DIAPH2: variants seen among roughly 807,000 people sequenced by gnomAD.
DIAPH2 encodes the protein diaphanous related formin 2, also known as protein diaphanous homolog 2.
In DIAPH2, 35 loss-of-function variants were observed where a neutral mutation model predicts 92.7. The ratio of observed to expected loss-of-function variants is 0.38; its 90% CI spans 0.29 to 0.50. DIAPH2 has a LOEUF of 0.50. DIAPH2 is among the 20% of genes least tolerant of loss of function. The pLI is 0.94. For synonymous variants in DIAPH2, 301 were observed against 280.4 expected, an observed-to-expected ratio of 1.07 and a Z score of -0.73; for missense variants, 701 against 819.5, an observed-to-expected ratio of 0.86 and a Z score of 1.77.
At chrX:96,812,056 C>T (rs1430878534) in intron 4 of DIAPH2, among the ~76,000 whole-genome samples, 1 of 111,632 alleles carries the variant, frequency 9.0e-6, no homozygotes, top group Non-Finnish European at 1.9e-5. Flanking sequence ...GGGAGGATTC[C>T]CTCTGTTTCT....
chrX:97,554,020 A>G (rs2071240043), intron 26 of DIAPH2, among the ~76,000 whole-genome samples: 1 of 111,740 alleles, frequency 8.9e-6, no homozygotes, highest in Non-Finnish European at 1.9e-5. Context: ...ATATGTATGT[A>G]TGTATTCATA....
chrX:97,230,043 A>G (rs1006188864), intron 22 of DIAPH2, among the ~76,000 whole-genome samples: 1 of 109,771 alleles, frequency 9.1e-6, no homozygotes, highest in African/African-American at 3.3e-5. Flanking sequence ...GGGAAGGAGA[A>G]TAGAATGCAG....
At chrX:97,179,965 C>T (rs1485195659) in intron 22 of DIAPH2, among the ~76,000 whole-genome samples, 1 of 111,399 alleles carries the variant, frequency 9.0e-6, no homozygotes, top group African/African-American at 3.3e-5. Flanking sequence ...GGGAAACCAC[C>T]CCCATGATTC....
At chrX:97,463,818 AG>A (rs2070482627) in intron 26 of DIAPH2, among the ~76,000 whole-genome samples, 1 of 111,901 alleles carries the variant, frequency 8.9e-6, no homozygotes, top group African/African-American at 3.3e-5. Context: ...ATGTAACTCC[AG>A]GGTCTGTGAT....
At chrX:97,305,763 G>A (rs1187795401) in intron 23 of DIAPH2, among the ~76,000 whole-genome samples, 1 of 105,216 alleles carries the variant, frequency 9.5e-6, no homozygotes, top group Non-Finnish European at 1.9e-5. Flanking sequence ...AGTGGAGGTT[G>A]CAGTGAGCCA....
intron 26 of DIAPH2, among the ~76,000 whole-genome samples, chrX:97,547,090 C>T (rs970519554): frequency 2.7e-5 from 3 of 111,716 alleles, no homozygotes; most frequent in Non-Finnish European, 5.6e-5. Context: ...ATGGATGCAG[C>T]TCATGTGATG....
chrX:97,025,495 C>CA (rs1416678840), intron 17 of DIAPH2, among the ~76,000 whole-genome samples: 33 of 108,031 alleles, frequency 3.1e-4, no homozygotes, highest in South Asian at 8.3e-4. Context: ...ACTAAAAATA[C>CA]AAAAAAAATA....
rs1296504144 is a variant in DIAPH2, at chrX:97,604,737, C to A, written c.*5420C>A. On this transcript the variant is annotated 3_prime_UTR_variant, in exon 27 of 27. Transcript: ENST00000324765. ...AAACTACCTCTGATACAGAAGGGTTCTTTACAAGCTTATTTTACATACCGT... is the reference window on the plus strand; with the variant it reads ...AAACTACCTCTGATACAGAAGGGTTATTTACAAGCTTATTTTACATACCGT... The A allele has an allele frequency of 8.9e-6, 1 of 112,104 alleles. No individual in the cohort carries two copies. The allele number at this position is 112,104 out of a possible 1,213,427, so 9.2% of individuals were successfully genotyped here.
At chrX:97,193,864 T>C (rs1335247966) in intron 22 of DIAPH2, among the ~76,000 whole-genome samples, 1 of 112,302 alleles carries the variant, frequency 8.9e-6, no homozygotes, top group Non-Finnish European at 1.9e-5. Context: ...TGGGTTCTAA[T>C]TTCTGGCCTA....
In DIAPH2 at chrX:97,337,873, A is replaced by AT. The variant is rs772010711; in HGVS notation, c.2845-10225dup. Among the ~76,000 whole-genome samples, 469 of 92,680 alleles carry AT rather than the reference A, an allele frequency of 5.1e-3. 4 individuals carry two copies. The highest frequency in any genetic ancestry group is 8.5e-3 in the African/African-American group (214 of 25,101). The allele number at this position is 92,680 out of a possible 115,157, so 80.5% of individuals were successfully genotyped here. ...AGCCATGCCTCAGTTTTATAATCTG[A>AT]TTTTTTTTTTTTTTTTTTGAAACTG... On this transcript the variant is annotated intron_variant, in intron 23 of 26. Transcript: ENST00000324765.
intron 26 of DIAPH2, among the ~76,000 whole-genome samples, chrX:97,462,168 A>G (rs1308387582): frequency 8.9e-6 from 1 of 111,833 alleles, no homozygotes; most frequent in East Asian, 2.8e-4. Flanking sequence ...TAGCTCACAT[A>G]TCCTTTTAAA....
intron 26 of DIAPH2, among the ~76,000 whole-genome samples, chrX:97,589,424 TA>T (rs1338760464): frequency 9.2e-6 from 1 of 109,023 alleles, no homozygotes; most frequent in African/African-American, 3.3e-5. Flanking sequence ...TTATAAATTA[TA>T]TTTTTTTCAA....
intron 22 of DIAPH2, among the ~76,000 whole-genome samples, chrX:97,163,545 T>C (rs993602748): frequency 8.9e-6 from 1 of 111,838 alleles, no homozygotes; most frequent in African/African-American, 3.3e-5. Flanking sequence ...AGTTTCACCT[T>C]TATACCCATA....
At chrX:97,037,210 CA>C (rs1174056353) in intron 17 of DIAPH2, among the ~76,000 whole-genome samples, 1 of 111,117 alleles carries the variant, frequency 9.0e-6, no homozygotes, top group Non-Finnish European at 1.9e-5. Flanking sequence ...TTTAGCTAGG[CA>C]ATAAGATGGC....
At chrX:96,965,804 G>A (rs149483000) in intron 17 of DIAPH2, among the ~76,000 whole-genome samples, 1,791 of 111,721 alleles carry the variant, frequency 0.016, 17 homozygotes, top group Middle Eastern at 0.028. Context: ...GAATTTCACA[G>A]ATGATTTTGT....
Position 96,939,500 on chromosome X carries a change from G to GTA in DIAPH2, c.1325+128_1325+129dup, listed in dbSNP as rs370377748. 3.9e-3 allele frequency: 183 copies of GTA among 46,600 alleles called. 4 individuals carry two copies. The highest frequency in any genetic ancestry group is 1.1e-3 in the Non-Finnish European group (19 of 17,596). The allele number at this position is 46,600 out of a possible 1,213,427, so 3.8% of individuals were successfully genotyped here. On this transcript the variant is annotated intron_variant, in intron 12 of 26. Coordinates refer to ENST00000324765, the MANE Select transcript of DIAPH2 (RefSeq NM_006729.5). The stretch of plus-strand genomic sequence containing the variant: ...TATGTGTGTGTATGTATATATATAT[G>GTA]TATATATATATGTATGTATATATAT...
intron 17 of DIAPH2, among the ~76,000 whole-genome samples, chrX:97,042,884 T>G (rs1266771741): frequency 8.9e-6 from 1 of 112,087 alleles, no homozygotes; most frequent in African/African-American, 3.2e-5. Flanking sequence ...ATACTTTTAT[T>G]TTTTAAGCAA....
chrX:97,375,226 C>A (rs769982241), intron 24 of DIAPH2, among the ~76,000 whole-genome samples: 5 of 111,139 alleles, frequency 4.5e-5, no homozygotes, highest in Admixed American at 9.6e-5. Flanking sequence ...GAGGTTGAGG[C>A]GGGTGGATCA....
chrX:96,987,329 C>T (rs1381108745), intron 17 of DIAPH2, among the ~76,000 whole-genome samples: 1 of 111,596 alleles, frequency 9.0e-6, no homozygotes, highest in African/African-American at 3.2e-5. Context: ...GGCTGTCCTC[C>T]TCATCTTATT....
Sources: allele counts gnomAD v4.1 joint callset (sites outside exome capture counted in the v4.1 genomes callset), GRCh38; gene constraint gnomAD v4.1.1; transcripts MANE v1.5; gene names NCBI Gene and HGNC (gene_info 2026-07-23, HGNC 2026-07-21).